The following REG1A variants were observed in gnomAD, a reference collection of about 807,000 sequenced individuals.
REG1A encodes the protein lithostathine-1-alpha.
A neutral mutation model predicts 20.7 loss-of-function variants in REG1A; 20 were observed. The ratio of observed to expected loss-of-function variants is 0.97; its 90% CI spans 0.68 to 1.41. The LOEUF (loss-of-function observed/expected upper bound fraction) is 1.41, where lower values mean the gene tolerates loss of function less well. Among genes scored for constraint, REG1A ranks in the 40% most tolerant of loss-of-function variants. The pLI, the probability that REG1A is intolerant of heterozygous loss-of-function variation, is 0.00. For synonymous variants in REG1A, 90 were observed against 71.6 expected (o/e 1.26, Z -1.30); for missense variants, 193 against 201.8 (o/e 0.96, Z 0.26).
chr2:79,122,184 C>T, intron 4 of REG1A, 59 bp downstream of exon 4: 1 of 1,569,214 alleles, frequency 6.4e-7, no homozygotes, highest in Non-Finnish European at 8.7e-7. Flanking sequence ...GAAGGAGGTT[C>T]AAGTTCTGGT....
At chr2:79,122,155 G>A in intron 4 of REG1A, 30 bp downstream of exon 4, 3 of 1,610,870 alleles carry the variant, frequency 1.9e-6, no homozygotes, top group Non-Finnish European at 1.7e-6. Context: ...ATCTCCTAAT[G>A]ATCAGGTTTG....
intron 5 of REG1A, 67 bp from the exon 6 acceptor site, chr2:79,123,081 G>A: frequency 6.8e-7 from 1 of 1,477,038 alleles, no homozygotes; most frequent in Non-Finnish European, 9.4e-7. Context: ...TTTGTCCTGA[G>A]TCCTAAAGCC....
Position 79,121,581 on chromosome 2 carries a change from G to T in REG1A, c.84G>T (p.Glu28Asp). Residue 28 changes from glutamate to aspartate, a missense_variant, in exon 3 of 6, where the codon GAG (glutamate) becomes GAT (aspartate). Transcript: ENST00000233735. Reference protein sequence around the residue: ...SQSQGQEAQTELPQARISCPE... With the variant: ...SQSQGQEAQTDLPQARISCPE... ...TTTCAGGCCAAGAGGCCCAGACAGA[G>T]TTGCCCCAGGCCCGGATCAGCTGCC... The T allele has an allele frequency of 6.2e-7, 1 of 1,614,098 alleles. No homozygotes were observed.
At chr2:79,120,778 C>A in intron 1 of REG1A, 38 bp from the exon 2 acceptor site, 2 of 1,104,244 alleles carry the variant, frequency 1.8e-6, no homozygotes, top group Middle Eastern at 2.4e-4. Context: ...GCTTTGCTCT[C>A]CATCTCTCAG....
Position 79,123,128 on chromosome 2 carries a change from C to T in REG1A, c.434-20C>T, listed in dbSNP as rs759820865. On this transcript the variant is annotated intron_variant, in intron 5 of 5. Coordinates refer to ENST00000233735, the MANE Select transcript of REG1A (RefSeq NM_002909.5). The stretch of plus-strand genomic sequence containing the variant: ...ACTCTTTCGGGTCTCCCAGTTGTAA[C>T]TCTTCTCATTGACTTATAGGATTCC... 4 of 1,598,200 alleles carry T rather than the reference C, an allele frequency of 2.5e-6. No homozygotes were observed. The highest frequency in any genetic ancestry group is 3.4e-6 in the Non-Finnish European group (4 of 1,168,262).
intron 4 of REG1A, 54 bp from the exon 5 acceptor site, chr2:79,122,787 A>G: frequency 8.4e-7 from 1 of 1,194,964 alleles, no homozygotes; most frequent in Non-Finnish European, 1.2e-6. Flanking sequence ...AGGCCCAGTG[A>G]TTCCATGTAT....
Position 79,123,128 on chromosome 2 carries a change from C to G in REG1A, c.434-20C>G. On this transcript the variant is annotated intron_variant, in intron 5 of 5. Transcript: ENST00000233735. ...ACTCTTTCGGGTCTCCCAGTTGTAA[C>G]TCTTCTCATTGACTTATAGGATTCC... The G allele has an allele frequency of 6.3e-7, 1 of 1,598,318 alleles. No individual in the cohort carries two copies. Among genetic ancestry groups the G allele is most frequent in the Non-Finnish European group, 8.6e-7 (1 of 1,168,254 alleles).
In REG1A at chr2:79,123,274, T is replaced by A; in HGVS notation, c.*59T>A. 2 of 1,115,140 alleles carry A rather than the reference T, an allele frequency of 1.8e-6. No homozygotes were observed. Among genetic ancestry groups the A allele is most frequent in the Non-Finnish European group, 2.7e-6 (2 of 750,378 alleles). 69.1% of individuals were successfully genotyped at this position (1,115,140 alleles called of 1,614,324 possible). On this transcript the variant is annotated 3_prime_UTR_variant, in exon 6 of 6. Transcript: ENST00000233735. ...CAGCAATTACAACGGAGTCAAAAAT[T>A]AAACCGGACCATCTCTCCAACTCAA...
intron 3 of REG1A, 105 bp downstream of exon 3, chr2:79,121,785 C>T (rs1387450008): frequency 5.2e-6 from 7 of 1,334,224 alleles, no homozygotes; most frequent in East Asian, 2.3e-5. Context: ...GAACCCCTTG[C>T]TATACTATCA....
Position 79,120,721 on chromosome 2 carries a change from C to T in REG1A, c.-46-95C>T. Reference sequence around the variant, plus strand: ...AGGTGTGGGTGTCTCAGAGGACCTTCCTGGTCTCAGAAATTCTGAGAGGAG... The same window carrying T: ...AGGTGTGGGTGTCTCAGAGGACCTTTCTGGTCTCAGAAATTCTGAGAGGAG... On this transcript the variant is annotated intron_variant, in intron 1 of 5. Transcript: ENST00000233735. 2 of 533,552 alleles carry T rather than the reference C, an allele frequency of 3.7e-6. 1 individual carries two copies. The highest frequency in any genetic ancestry group is 8.1e-5 in the South Asian group (2 of 24,706). 33.1% of individuals were successfully genotyped at this position (533,552 alleles called of 1,614,324 possible). A position where few individuals can be genotyped will look rare whatever the true frequency, so the allele number is the denominator to read the frequency against.
Position 79,121,666 on chromosome 2 carries a change from T to C in REG1A, c.169T>C (p.Trp57Arg), listed in dbSNP as rs1224121918. 3 of 1,613,826 alleles carry C rather than the reference T, an allele frequency of 1.9e-6. No homozygotes were observed. Among genetic ancestry groups the C allele is most frequent in the Non-Finnish European group, 2.5e-6 (3 of 1,179,912 alleles). ...CTACTTTAATGAAGACCGTGAGACCTGGGTTGATGCAGATGTGAGTGAGGA... is the reference window on the plus strand; with the variant it reads ...CTACTTTAATGAAGACCGTGAGACCCGGGTTGATGCAGATGTGAGTGAGGA... ...CYYFNEDRET[W>R]VDADLYCQNM... The change falls in exon 3 of 6, where the codon TGG becomes CGG. Residue 57 changes from tryptophan to arginine, a missense_variant. By Grantham distance (101) the Trp-to-Arg change is moderately radical. Transcript: ENST00000233735.
intron 4 of REG1A, 111 bp downstream of exon 4, chr2:79,122,236 G>A: frequency 8.4e-7 from 1 of 1,190,096 alleles, no homozygotes; most frequent in Non-Finnish European, 1.2e-6. Context: ...AAATCAGGCT[G>A]TTTACAGATC....
At chr2:79,122,756 C>A in intron 4 of REG1A, 85 bp from the exon 5 acceptor site, 1 of 866,508 alleles carries the variant, frequency 1.2e-6, no homozygotes, top group Non-Finnish European at 1.9e-6. Flanking sequence ...TGTGTCTTAG[C>A]ATGTTTCTGA....
chr2:79,121,088 T>C (rs760058866), intron 2 of REG1A, among the ~76,000 whole-genome samples, 163 bp downstream of exon 2: 6 of 151,792 alleles, frequency 4.0e-5, no homozygotes, highest in Non-Finnish European at 8.8e-5. Context: ...CACATTTATA[T>C]ACATCCACAC....
rs267599471 is a variant in REG1A, at chr2:79,122,944, C to T, written c.425C>T (p.Ser142Leu). 6.2e-7 allele frequency: 1 copy of T among 1,613,462 alleles called. No homozygotes were observed. ...CCTGGCTACTGTGTGAGCCTGACCTCAAGCACAGGTGAGAGGCAGAGAATC... is the reference window on the plus strand; with the variant it reads ...CCTGGCTACTGTGTGAGCCTGACCTTAAGCACAGGTGAGAGGCAGAGAATC... ...VNPGYCVSLT[S>L]STGFQKWKDV... is the part of the protein sequence containing the mutation. Residue 142 changes from serine to leucine, a missense_variant, in exon 5 of 6, where the codon TCA (serine) becomes TTA (leucine). Transcript: ENST00000233735.
In REG1A at chr2:79,122,933, G is replaced by T. The variant is rs766802704; in HGVS notation, c.414G>T (p.Val138=). 6.2e-7 allele frequency: 1 copy of T among 1,613,728 alleles called. No homozygotes were observed. Among genetic ancestry groups the T allele is most frequent in the Admixed American group, 1.7e-5 (1 of 60,012 alleles). ...APSSVNPGYC[V]SLTSSTGFQK... ...GCAGTGTTAATCCTGGCTACTGTGT[G>T]AGCCTGACCTCAAGCACAGGTGAGA... The change falls in exon 5 of 6, where the codon GTG becomes GTT. Residue 138 remains valine (V), a synonymous_variant. Coordinates refer to ENST00000233735, the MANE Select transcript of REG1A (RefSeq NM_002909.5).
At chr2:79,121,377 G>GT (rs920914941) in intron 2 of REG1A, among the ~76,000 whole-genome samples, 185 bp from the exon 3 acceptor site, 4 of 152,072 alleles carry the variant, frequency 2.6e-5, no homozygotes, top group Middle Eastern at 3.4e-3. Flanking sequence ...TATTCATTCT[G>GT]TTTTTTTTCC....
At position 79,123,170 on chromosome 2, in the gene REG1A, G is replaced by T; in HGVS notation, c.456G>T (p.Val152=). The T allele has an allele frequency of 6.2e-7, 1 of 1,613,182 alleles. No individual in the cohort carries two copies. The highest frequency in any genetic ancestry group is 8.5e-7 in the Non-Finnish European group (1 of 1,179,332). Residue 152 remains valine (V), a synonymous_variant, in exon 6 of 6, where the codon GTG becomes GTT. Transcript: ENST00000233735. ...TAGGATTCCAGAAATGGAAGGATGTGCCTTGTGAAGACAAGTTCTCCTTTG... is the reference window on the plus strand; with the variant it reads ...TAGGATTCCAGAAATGGAAGGATGTTCCTTGTGAAGACAAGTTCTCCTTTG... ...SSTGFQKWKD[V]PCEDKFSFVC...
chr2:79,121,213 G>C (rs1182233553), intron 2 of REG1A, among the ~76,000 whole-genome samples: 2 of 152,184 alleles, frequency 1.3e-5, no homozygotes, highest in Non-Finnish European at 2.9e-5. Context: ...GGATGTCTGT[G>C]TGTAGACAGT....
Sources: allele counts gnomAD v4.1 joint callset (sites outside exome capture counted in the v4.1 genomes callset), GRCh38; gene constraint gnomAD v4.1.1; transcripts MANE v1.5; gene names NCBI Gene and HGNC (gene_info 2026-07-23, HGNC 2026-07-21).